The following NRG3 variants were observed in gnomAD, a reference collection of about 807,000 sequenced individuals.
NRG3 encodes the protein neuregulin 3.
Under a neutral mutation model 66.9 loss-of-function variants are expected in NRG3, and 31 were observed. The observed-to-expected ratio is 0.46, with a 90% CI of 0.35 to 0.63. The LOEUF (loss-of-function observed/expected upper bound fraction) is 0.63, where lower values mean the gene tolerates loss of function less well. Among genes scored for constraint, NRG3 ranks in the 20% least tolerant of loss-of-function variants. The pLI, the probability that NRG3 is intolerant of heterozygous loss-of-function variation, is 0.00. For missense variants in NRG3, 910 were observed against 878.9 expected (o/e 1.04, Z -0.45); for synonymous variants, 393 against 359.4 (o/e 1.09, Z -1.06).
chr10:82,727,495 G>A lies in NRG3; in HGVS notation c.954-11082G>A, dbSNP rs546377598. ...AGCACCAAGCCTTGGCTTCCATGTG[G>A]TGTTGAGCCTGCAGGTACACAAAAG... On this transcript the variant is annotated intron_variant, in intron 2 of 8. Coordinates refer to ENST00000372141, the MANE Select transcript of NRG3 (RefSeq NM_001010848.4). Among the ~76,000 whole-genome samples, 3 of 152,352 alleles carry A rather than the reference G, an allele frequency of 2.0e-5. No homozygotes were observed. In the South Asian group the frequency reaches 6.2e-4, roughly 32 times the overall value.
intron 2 of NRG3, among the ~76,000 whole-genome samples, chr10:82,695,380 A>G (rs1424090641): frequency 6.6e-6 from 1 of 152,168 alleles, no homozygotes; most frequent in Non-Finnish European, 1.5e-5. Flanking sequence ...TAAGACTAGA[A>G]AATTGAAACA....
At chr10:82,642,861 T>C (rs1414382293) in intron 2 of NRG3, among the ~76,000 whole-genome samples, 1 of 151,976 alleles carries the variant, frequency 6.6e-6, no homozygotes, top group Non-Finnish European at 1.5e-5. Context: ...GGTGAAATAA[T>C]AGTGTGTTTA....
At chr10:82,151,484 C>T (rs11817672) in intron 1 of NRG3, among the ~76,000 whole-genome samples, 1 of 152,092 alleles carries the variant, frequency 6.6e-6, no homozygotes, top group South Asian at 2.1e-4. Context: ...GAATCGGAAC[C>T]TCTCTGCTCT....
chr10:82,587,052 G>A (rs1171252595), intron 2 of NRG3, among the ~76,000 whole-genome samples: 6 of 152,040 alleles, frequency 3.9e-5, no homozygotes, highest in Admixed American at 6.6e-5. Flanking sequence ...TATTTCAGAG[G>A]GTTCACAAGG....
chr10:82,732,015 T>C (rs569137831), intron 2 of NRG3, among the ~76,000 whole-genome samples: 2 of 152,294 alleles, frequency 1.3e-5, no homozygotes, highest in South Asian at 4.1e-4. Context: ...TCACCACAAA[T>C]AACATAAGGT....
chr10:82,666,067 G>C (rs1373614390), intron 2 of NRG3, among the ~76,000 whole-genome samples: 1 of 152,062 alleles, frequency 6.6e-6, no homozygotes, highest in East Asian at 1.9e-4. Flanking sequence ...TCGCCAGGCT[G>C]GTCAGGCTGG....
intron 7 of NRG3, among the ~76,000 whole-genome samples, chr10:82,975,941 C>T (rs1350393611): frequency 6.6e-6 from 1 of 152,100 alleles, no homozygotes; most frequent in African/African-American, 2.4e-5. Context: ...TAATTCAAAG[C>T]CATTATTTCT....
intron 2 of NRG3, among the ~76,000 whole-genome samples, chr10:82,639,116 A>G (rs778543847): frequency 2.0e-5 from 3 of 152,218 alleles, no homozygotes; most frequent in Non-Finnish European, 4.4e-5. Context: ...CAAACACAGG[A>G]TACCATTGTC....
intron 2 of NRG3, among the ~76,000 whole-genome samples, chr10:82,734,753 A>T (rs1249898950): frequency 6.6e-6 from 1 of 152,148 alleles, no homozygotes; most frequent in Admixed American, 6.6e-5. Context: ...GCAGTGGCTC[A>T]CACCTGTAAA....
At chr10:82,132,673 G>A (rs2069015044) in intron 1 of NRG3, among the ~76,000 whole-genome samples, 1 of 150,032 alleles carries the variant, frequency 6.7e-6, no homozygotes. Flanking sequence ...TAAATATTTG[G>A]TAAAATTCAG....
intron 1 of NRG3, among the ~76,000 whole-genome samples, chr10:81,933,203 A>T (rs1414570165): frequency 2.0e-5 from 3 of 152,240 alleles, no homozygotes; most frequent in African/African-American, 7.2e-5. Flanking sequence ...GCCTCTAAGA[A>T]GGGTGGACTG....
intron 1 of NRG3, among the ~76,000 whole-genome samples, chr10:82,187,268 A>G (rs901117381): frequency 4.6e-5 from 7 of 152,192 alleles, no homozygotes; most frequent in Admixed American, 1.3e-4. Flanking sequence ...GTATGGCTTA[A>G]CATTCCTAAA....
chr10:82,661,273 T>C (rs562747510), intron 2 of NRG3, among the ~76,000 whole-genome samples: 15 of 152,228 alleles, frequency 9.9e-5, no homozygotes, highest in South Asian at 4.1e-4. Flanking sequence ...CTGAATTCTA[T>C]TGAGGAAAAC....
intron 1 of NRG3, among the ~76,000 whole-genome samples, chr10:82,259,264 C>A (rs1212231218): frequency 6.6e-6 from 1 of 152,116 alleles, no homozygotes; most frequent in Non-Finnish European, 1.5e-5. Flanking sequence ...CTTCTCAGGG[C>A]CTTTGTGTGT....
intron 1 of NRG3, among the ~76,000 whole-genome samples, chr10:82,138,920 C>T (rs916942641): frequency 2.6e-5 from 4 of 152,022 alleles, no homozygotes; most frequent in African/African-American, 7.2e-5. Flanking sequence ...TGTGCTCACC[C>T]AGCTTGAGGG....
chr10:82,178,767 C>A (rs578148429), intron 1 of NRG3, among the ~76,000 whole-genome samples: 1 of 152,170 alleles, frequency 6.6e-6, no homozygotes, highest in African/African-American at 2.4e-5. Flanking sequence ...TATTATAGTT[C>A]TATTTTTAAA....
intron 4 of NRG3, among the ~76,000 whole-genome samples, chr10:82,887,450 C>A (rs581354): frequency 0.15 from 22,132 of 152,142 alleles, 1,591 homozygotes; most frequent in African/African-American, 0.18. Flanking sequence ...CTGTATAGAG[C>A]AAATTGTTAG....
chr10:82,590,284 G>T (rs941173970), intron 2 of NRG3, among the ~76,000 whole-genome samples: 1 of 152,068 alleles, frequency 6.6e-6, no homozygotes, highest in Non-Finnish European at 1.5e-5. Context: ...TCTTGAATAG[G>T]CATGTTTGTA....
chr10:82,371,360 G>A (rs2084882050), intron 2 of NRG3, among the ~76,000 whole-genome samples: 1 of 152,216 alleles, frequency 6.6e-6, no homozygotes, highest in African/African-American at 2.4e-5. Context: ...CATGCCATAT[G>A]TGAGGCTATA....
Sources: gnomAD v4.1 joint callset for allele counts (sites outside exome capture counted in the v4.1 genomes callset) on GRCh38, gnomAD v4.1.1 for gene constraint, MANE v1.5 for transcripts, NCBI Gene and HGNC (gene_info 2026-07-23, HGNC 2026-07-21) for gene names.